Variants in CCDC62 observed in about 807,000 individuals in gnomAD.
CCDC62 encodes the protein coiled-coil domain-containing protein 62.
In CCDC62, 72 loss-of-function variants were observed where a neutral mutation model predicts 80.8. The ratio of observed to expected loss-of-function variants is 0.89; its 90% CI spans 0.74 to 1.08. CCDC62 has a LOEUF of 1.08. Among genes scored for constraint, CCDC62 ranks in the 50% least tolerant of loss-of-function variants. The probability of loss-of-function intolerance (pLI) is 0.00; values close to 1 mark genes in which losing one functional copy is unlikely to be tolerated. For missense variants in CCDC62, 704 were observed against 809.4 expected (o/e 0.87, Z 1.58); for synonymous variants, 286 against 296.5 (o/e 0.96, Z 0.36).
At chr12:122,809,018 G>A (rs1352933277) in intron 10 of CCDC62, among the ~76,000 whole-genome samples, 1 of 152,154 alleles carries the variant, frequency 6.6e-6, no homozygotes, top group Non-Finnish European at 1.5e-5. Flanking sequence ...ACAATGTTGT[G>A]CACCTTTTCA....
At chr12:122,781,099 C>A (rs1010883985) in intron 2 of CCDC62, 65 bp from the exon 3 acceptor site, 1 of 1,302,078 alleles carries the variant, frequency 7.7e-7, no homozygotes, top group Non-Finnish European at 1.1e-6. Flanking sequence ...TTTAACCACC[C>A]ATTTTGAAAA....
intron 12 of CCDC62, among the ~76,000 whole-genome samples, chr12:122,825,391 G>A (rs1206832011): frequency 7.4e-6 from 1 of 134,406 alleles, no homozygotes; most frequent in Non-Finnish European, 1.5e-5. Context: ...TTGTCTCCCA[G>A]TCTGGAGTGC....
intron 1 of CCDC62, among the ~76,000 whole-genome samples, chr12:122,775,171 A>G (rs1428290209): frequency 6.6e-6 from 1 of 151,872 alleles, no homozygotes; most frequent in Non-Finnish European, 1.5e-5. Flanking sequence ...TAACCCAATA[A>G]CACCTTGTTA....
Position 122,801,287 on chromosome 12 carries a change from C to A in CCDC62, c.1141C>A (p.Gln381Lys). 6.2e-7 allele frequency: 1 copy of A among 1,614,122 alleles called. No individual in the cohort carries two copies. The highest frequency in any genetic ancestry group is 8.5e-7 in the Non-Finnish European group (1 of 1,180,022). Residue 381 changes from glutamine to lysine, a missense_variant, in exon 9 of 13, where the codon CAA (glutamine) becomes AAA (lysine). Coordinates refer to ENST00000253079, the MANE Select transcript of CCDC62 (RefSeq NM_201435.5). ...TTGCGATGAATGCAAAGAGAAGAAA[C>A]AACAGATCGATACTGTGTTTGGGGA... Reference protein sequence around the residue: ...SSCDECKEKKQQIDTVFGEKS... With the variant: ...SSCDECKEKKKQIDTVFGEKS...
chr12:122,785,229 T>C (rs1244499795), intron 3 of CCDC62, among the ~76,000 whole-genome samples: 2 of 152,244 alleles, frequency 1.3e-5, no homozygotes, highest in Admixed American at 6.5e-5. Context: ...ACTATGTGTT[T>C]TTTTAAATAA....
chr12:122,806,808 AT>A (rs34715872), intron 10 of CCDC62, among the ~76,000 whole-genome samples: 111,711 of 137,228 alleles, frequency 0.81, 45,744 homozygotes, highest in Middle Eastern at 0.93. Context: ...GAAAAATTGT[AT>A]TTTTTTTTTT....
At chr12:122,775,087 C>G (rs1226441319) in intron 1 of CCDC62, among the ~76,000 whole-genome samples, 9 of 110,878 alleles carry the variant, frequency 8.1e-5, no homozygotes, top group Non-Finnish European at 1.7e-4. Context: ...GAGCGAGACT[C>G]CGTCTCAAAA....
At chr12:122,782,682 G>A (rs974233062) in intron 3 of CCDC62, among the ~76,000 whole-genome samples, 2 of 151,598 alleles carry the variant, frequency 1.3e-5, no homozygotes, top group Non-Finnish European at 2.9e-5. Context: ...GGTCTCCAAC[G>A]CCCGACCTCA....
chr12:122,826,110 C>T (rs757886256), intron 12 of CCDC62, among the ~76,000 whole-genome samples: 5 of 151,858 alleles, frequency 3.3e-5, no homozygotes, highest in Non-Finnish European at 7.4e-5. Flanking sequence ...ATTTCATATG[C>T]GGTTTCCTCA....
intron 12 of CCDC62, among the ~76,000 whole-genome samples, chr12:122,825,086 CAA>C (rs879280596): frequency 2.8e-5 from 3 of 107,042 alleles, no homozygotes; most frequent in Non-Finnish European, 2.0e-5. Flanking sequence ...AACTCAGTCT[CAA>C]AAAAAAAAAG....
chr12:122,787,870 G>T (rs1447030942), intron 4 of CCDC62, among the ~76,000 whole-genome samples: 1 of 152,182 alleles, frequency 6.6e-6, no homozygotes, highest in African/African-American at 2.4e-5. Flanking sequence ...AGGAATCCCA[G>T]GTTTAAGGCT....
chr12:122,809,421 C>T (rs911153095), intron 10 of CCDC62, among the ~76,000 whole-genome samples: 1 of 152,152 alleles, frequency 6.6e-6, no homozygotes, highest in African/African-American at 2.4e-5. Flanking sequence ...GCCCGGGAGG[C>T]GGAGGCTGCA....
intron 5 of CCDC62, 141 bp downstream of exon 5, chr12:122,789,070 A>G: frequency 1.6e-6 from 1 of 631,048 alleles, no homozygotes; most frequent in South Asian, 2.5e-5. Flanking sequence ...TTTCATTTAT[A>G]TAGGATTATG....
rs998897311 is a variant in CCDC62, at chr12:122,820,038, A to G, written c.2002-3328A>G. Among the ~76,000 whole-genome samples the G allele has an allele frequency of 3.0e-5, 4 of 132,596 alleles. No individual in the cohort carries two copies. The Admixed American group carries it at 3.6e-4, about 12-fold the overall frequency. The allele number at this position is 132,596 out of a possible 152,430, so 87.0% of individuals were successfully genotyped here. A position where few individuals can be genotyped will look rare whatever the true frequency, so the allele number is the denominator to read the frequency against. On this transcript the variant is annotated intron_variant, in intron 11 of 12. Coordinates refer to ENST00000253079, the MANE Select transcript of CCDC62 (RefSeq NM_201435.5). ...GATTGAGCAACTGTATTCCAGCCTG[A>G]GCGATACAGCAAGATCCTGTCTCAA...
chr12:122,818,956 G>C (rs1209618650), intron 11 of CCDC62, among the ~76,000 whole-genome samples: 1 of 152,118 alleles, frequency 6.6e-6, no homozygotes, highest in Non-Finnish European at 1.5e-5. Flanking sequence ...GTTTGAGCTA[G>C]AAAGATCCAG....
chr12:122,784,797 TGCACTCCA>T (rs1217851883), intron 3 of CCDC62, among the ~76,000 whole-genome samples: 1 of 152,082 alleles, frequency 6.6e-6, no homozygotes, highest in African/African-American at 2.4e-5. Context: ...AGTGCACCAC[TGCACTCCA>T]GCCTGGGTGA....
chr12:122,824,129 A>G (rs1042496922), intron 12 of CCDC62, among the ~76,000 whole-genome samples: 1 of 152,154 alleles, frequency 6.6e-6, no homozygotes, highest in Non-Finnish European at 1.5e-5. Flanking sequence ...CAAAACCACA[A>G]TGCGGGCCGG....
chr12:122,785,815 C>A lies in CCDC62; in HGVS notation c.493C>A (p.Leu165Ile). The change falls in exon 4 of 13, where the codon CTA (leucine) becomes ATA (isoleucine). Residue 165 changes from leucine (L) to isoleucine (I), a missense_variant. Leu to Ile is a conservative substitution (Grantham distance 5). Transcript: ENST00000253079. The part of the protein sequence containing the change: ...REQALTTMIK[L>I]KDKDIIEAVN... ...ACAAGCTCTTACGACAATGATAAAG[C>A]TAAAGGTAATCAAAAATAAGAATTC... is the stretch of plus-strand genomic sequence containing the variant. The A allele has an allele frequency of 3.1e-6, 5 of 1,600,106 alleles. No individual in the cohort carries two copies. The South Asian group carries it at 5.5e-5, about 18-fold the overall frequency.
chr12:122,806,404 GT>G (rs34775544), intron 10 of CCDC62, 109 bp downstream of exon 10: 36,401 of 430,320 alleles, frequency 0.085, 28 homozygotes, highest in Non-Finnish European at 0.096. Flanking sequence ...CTATTCCTCC[GT>G]TTTTTTTTTT....
Sources: allele counts gnomAD v4.1 joint callset (sites outside exome capture counted in the v4.1 genomes callset), GRCh38; gene constraint gnomAD v4.1.1; transcripts MANE v1.5; gene names NCBI Gene and HGNC (gene_info 2026-07-23, HGNC 2026-07-21).